The following LANCL2 variants were observed in gnomAD, a reference collection of about 807,000 sequenced individuals.
LANCL2 encodes the protein lanC-like protein 2.
In LANCL2, 33 loss-of-function variants were observed where a neutral mutation model predicts 56.9. That is an observed-to-expected ratio of 0.58 (90% confidence interval 0.44 to 0.78). The LOEUF is 0.78. LANCL2 is among the 30% of genes least tolerant of loss of function. LANCL2 has a pLI of 0.00. For synonymous variants in LANCL2, 233 were observed against 228.2 expected, an observed-to-expected ratio of 1.02 and a Z score of -0.19; for missense variants, 562 against 580.2, an observed-to-expected ratio of 0.97 and a Z score of 0.32.
At chr7:55,400,903 G>C (rs918627444) in intron 4 of LANCL2, among the ~76,000 whole-genome samples, 1 of 152,124 alleles carries the variant, frequency 6.6e-6, no homozygotes, top group African/African-American at 2.4e-5. Context: ...AGTTTTTCTA[G>C]ATTTTTCGTT....
In LANCL2 at chr7:55,432,662, C is replaced by T. The variant is rs1249538410; in HGVS notation, c.*1342C>T. On this transcript the variant is annotated 3_prime_UTR_variant, in exon 9 of 9. Coordinates refer to ENST00000254770, the MANE Select transcript of LANCL2 (RefSeq NM_018697.4). Reference sequence around the variant, plus strand: ...CATTTCCCAGCCCCAGTGTCCACACCTCTCAGAAAAGAGAAAAAAGAATGT... The same window carrying T: ...CATTTCCCAGCCCCAGTGTCCACACTTCTCAGAAAAGAGAAAAAAGAATGT... 1 of 152,172 alleles carries T rather than the reference C, an allele frequency of 6.6e-6. No individual in the cohort carries two copies. Among genetic ancestry groups the T allele is most frequent in the Non-Finnish European group, 1.5e-5 (1 of 68,028 alleles). The allele number at this position is 152,172 out of a possible 1,614,324, so 9.4% of individuals were successfully genotyped here.
intron 1 of LANCL2, among the ~76,000 whole-genome samples, chr7:55,391,250 C>A (rs1790186215): frequency 6.6e-6 from 1 of 151,816 alleles, no homozygotes; most frequent in African/African-American, 2.4e-5. Context: ...GATCTCCTGA[C>A]CTCGTGATCC....
chr7:55,414,965 C>T (rs1790509429), intron 6 of LANCL2, among the ~76,000 whole-genome samples: 1 of 110,656 alleles, frequency 9.0e-6, no homozygotes, highest in African/African-American at 3.6e-5. Flanking sequence ...GCCTGGGTGA[C>T]ACAGCAAGAC....
intron 1 of LANCL2, among the ~76,000 whole-genome samples, chr7:55,369,212 G>A (rs1165349398): frequency 6.6e-6 from 1 of 152,150 alleles, no homozygotes; most frequent in Non-Finnish European, 1.5e-5. Flanking sequence ...AAGCCACCCA[G>A]TTTGTTGAAC....
intron 5 of LANCL2, among the ~76,000 whole-genome samples, chr7:55,409,141 T>C (rs1199788789): frequency 1.4e-5 from 2 of 147,656 alleles, no homozygotes; most frequent in East Asian, 2.0e-4. Flanking sequence ...CAGGCTGGAG[T>C]GCACTGGCGC....
At chr7:55,403,191 G>A (rs1258283639) in intron 5 of LANCL2, among the ~76,000 whole-genome samples, 1 of 152,276 alleles carries the variant, frequency 6.6e-6, no homozygotes, top group African/African-American at 2.4e-5. Context: ...CTGCCATCCC[G>A]GCACCTCGGG....
chr7:55,413,114 T>C (rs1378876241), intron 6 of LANCL2, among the ~76,000 whole-genome samples: 2 of 152,216 alleles, frequency 1.3e-5, no homozygotes, highest in Non-Finnish European at 2.9e-5. Context: ...CGACGTTTGG[T>C]CAGTGAAACA....
chr7:55,375,365 C>T (rs1286730382), intron 1 of LANCL2, among the ~76,000 whole-genome samples: 1 of 152,192 alleles, frequency 6.6e-6, no homozygotes, highest in East Asian at 1.9e-4. Context: ...GACTTGTTTC[C>T]TCAGGAATGC....
intron 4 of LANCL2, 21 bp downstream of exon 4, chr7:55,400,125 C>G: frequency 1.9e-6 from 3 of 1,547,554 alleles, no homozygotes; most frequent in Non-Finnish European, 2.6e-6. Context: ...GTATGGGTAA[C>G]TATGGGCGTC....
At chr7:55,421,736 C>T (rs1417808807) in intron 6 of LANCL2, among the ~76,000 whole-genome samples, 1 of 152,014 alleles carries the variant, frequency 6.6e-6, no homozygotes, top group Admixed American at 6.6e-5. Context: ...TCATAATCTC[C>T]TTAGAGTTAA....
rs117815076 is a variant in LANCL2, at chr7:55,428,895, A to G, written c.1258+448A>G. Among the ~76,000 whole-genome samples, 788 of 152,302 alleles carry G rather than the reference A, an allele frequency of 5.2e-3. 5 individuals carry two copies. Among genetic ancestry groups the G allele is most frequent in the Non-Finnish European group, 7.5e-3 (511 of 68,016 alleles). On this transcript the variant is annotated intron_variant, in intron 8 of 8. Transcript: ENST00000254770. ...GAAAAAATAGCAAGAGTGAATATTG[A>G]AGAAAGTTCTGAAAAGAGGAGCACT...
rs781169464 is a variant in LANCL2, at chr7:55,366,115, C to T, written c.90C>T (p.Asp30=). The T allele has an allele frequency of 8.4e-6, 13 of 1,546,722 alleles. No individual in the cohort carries two copies. In the African/African-American group the frequency reaches 1.1e-4, roughly 13 times the overall value. Reference sequence around the variant, plus strand: ...GGGCGTTCGTCAACCCCTTCCCGGACTACGAGGCCGCCGCCGGGGCGCTGC... The same window carrying T: ...GGGCGTTCGTCAACCCCTTCCCGGATTACGAGGCCGCCGCCGGGGCGCTGC... ...EERAFVNPFP[D]YEAAAGALLA... Residue 30 remains aspartate (D), a synonymous_variant, in exon 1 of 9, where the codon GAC becomes GAT. Coordinates refer to ENST00000254770, the MANE Select transcript of LANCL2 (RefSeq NM_018697.4).
At position 55,399,999 on chromosome 7, in the gene LANCL2, C is replaced by A; in HGVS notation, c.573C>A (p.Asp191Glu). Residue 191 changes from aspartate (D) to glutamate (E), a missense_variant, in exon 4 of 9, where the codon GAC becomes GAA. By Grantham distance (45) the Asp-to-Glu change is conservative. This residue lies in a region of LANCL2 where 378 missense variants were observed against 468.4 expected (regional missense o/e 0.81). Coordinates refer to ENST00000254770, the MANE Select transcript of LANCL2 (RefSeq NM_018697.4). ...LQRSVVCQESDLPDELLYGRA... is the reference protein window; with the variant it reads ...LQRSVVCQESELPDELLYGRA... ...GATCGGTTGTCTGCCAAGAATCAGA[C>A]CTTCCTGATGAGCTGCTTTATGGAC... 2 of 1,613,744 alleles carry A rather than the reference C, an allele frequency of 1.2e-6. No individual in the cohort carries two copies. The highest frequency in any genetic ancestry group is 1.7e-6 in the Non-Finnish European group (2 of 1,179,748).
chr7:55,375,813 T>G (rs1789994130), intron 1 of LANCL2, among the ~76,000 whole-genome samples: 1 of 152,134 alleles, frequency 6.6e-6, no homozygotes, highest in Non-Finnish European at 1.5e-5. Context: ...CCAAATCCAG[T>G]TCACTGTGGC....
At position 55,366,217 on chromosome 7, in the gene LANCL2, T is replaced by G. The variant is rs957670474; in HGVS notation, c.192T>G (p.His64Gln). The G allele has an allele frequency of 6.5e-6, 10 of 1,535,518 alleles. No homozygotes were observed. In the Admixed American group the frequency reaches 1.4e-4, roughly 21 times the overall value. ...CGGATGAGCCCGGCCTCCCTTTTCA[T>G]CAGGACGGGAAGGTGAGTCGGCGGC... Reference protein sequence around the residue: ...ATTDEPGLPFHQDGKIIHNFI... With the variant: ...ATTDEPGLPFQQDGKIIHNFI... Residue 64 changes from histidine (H) to glutamine (Q), a missense_variant, in exon 1 of 9, where the codon CAT becomes CAG. By Grantham distance (24) the His-to-Gln change is conservative. Coordinates refer to ENST00000254770, the MANE Select transcript of LANCL2 (RefSeq NM_018697.4).
intron 5 of LANCL2, among the ~76,000 whole-genome samples, chr7:55,403,831 A>G (rs1183546660): frequency 1.3e-5 from 2 of 151,760 alleles, no homozygotes; most frequent in African/African-American, 4.8e-5. Context: ...CAGCCTCCCA[A>G]AATGCTAGGA....
At chr7:55,407,196 A>C (rs1790417857) in intron 5 of LANCL2, among the ~76,000 whole-genome samples, 1 of 152,192 alleles carries the variant, frequency 6.6e-6, no homozygotes, top group South Asian at 2.1e-4. Flanking sequence ...GGCTCTTTTC[A>C]ATTCAGGAAA....
chr7:55,413,666 C>T (rs538026908), intron 6 of LANCL2, among the ~76,000 whole-genome samples: 81 of 152,352 alleles, frequency 5.3e-4, no homozygotes, highest in African/African-American at 1.9e-3. Flanking sequence ...CAGGTGGCTG[C>T]GGCCAGCTCC....
chr7:55,384,628 A>G (rs866054616), intron 1 of LANCL2, among the ~76,000 whole-genome samples: 1 of 152,180 alleles, frequency 6.6e-6, no homozygotes, highest in African/African-American at 2.4e-5. Context: ...GAATAAACAC[A>G]AAGAAGCCCA....
Sources: allele counts gnomAD v4.1 joint callset (sites outside exome capture counted in the v4.1 genomes callset), GRCh38; gene constraint gnomAD v4.1.1; regional missense constraint gnomAD v4.1.1; transcripts MANE v1.5; gene names NCBI Gene and HGNC (gene_info 2026-07-23, HGNC 2026-07-21).